The following SVIL variants were observed in gnomAD, a reference collection of about 807,000 sequenced individuals.
The protein encoded by SVIL is archvillin.
SVIL carries 101 observed loss-of-function variants against 240.4 expected under a neutral mutation model. That is an observed-to-expected ratio of 0.42 (90% CI 0.36 to 0.50). The LOEUF (loss-of-function observed/expected upper bound fraction) is 0.50. Among genes scored for constraint, SVIL ranks in the 20% least tolerant of loss-of-function variants. The probability of loss-of-function intolerance (pLI) is 0.01; values close to 1 mark genes in which losing one functional copy is unlikely to be tolerated. For missense variants in SVIL, 2,512 were observed against 2,818.7 expected (o/e 0.89, Z 2.46); for synonymous variants, 999 against 1,100.0 (o/e 0.91, Z 1.82).
At chr10:29,704,064 A>G (rs1175354215) in intron 1 of SVIL, among the ~76,000 whole-genome samples, 6 of 152,064 alleles carry the variant, frequency 3.9e-5, no homozygotes, top group African/African-American at 7.2e-5. Context: ...CGGCCTCTCA[A>G]AGTGCTAGGA....
chr10:29,487,340 C>G (rs3818541), intron 23 of SVIL, 41 bp from the exon 24 acceptor site: 12 of 1,611,770 alleles, frequency 7.4e-6, no homozygotes, highest in Admixed American at 6.7e-5. Context: ...CCAGACAGAA[C>G]GGGGATAGGA....
At chr10:29,567,517 A>T (rs1955069498) in intron 2 of SVIL, among the ~76,000 whole-genome samples, 1 of 152,214 alleles carries the variant, frequency 6.6e-6, no homozygotes, top group Non-Finnish European at 1.5e-5. Context: ...CATGGCACAC[A>T]GGCTGTCATT....
chr10:29,707,160 A>G (rs1017271396), intron 1 of SVIL, among the ~76,000 whole-genome samples: 22 of 152,038 alleles, frequency 1.4e-4, no homozygotes, highest in Admixed American at 1.4e-3. Flanking sequence ...AGTAGTTTCT[A>G]TCTAATTCTG....
chr10:29,576,645 A>C (rs2132748568), intron 1 of SVIL, among the ~76,000 whole-genome samples: 1 of 152,296 alleles, frequency 6.6e-6, no homozygotes, highest in South Asian at 2.1e-4. Flanking sequence ...CCTGGGCTCA[A>C]GAAATTCTCC....
At chr10:29,655,363 G>A (rs1019262960) in intron 3 of SVIL, among the ~76,000 whole-genome samples, 14 of 152,140 alleles carry the variant, frequency 9.2e-5, no homozygotes, top group African/African-American at 2.9e-4. Context: ...TCTAAAGGCC[G>A]AAGAACCTGG....
chr10:29,717,420 A>T (rs1963698535), intron 1 of SVIL, among the ~76,000 whole-genome samples: 1 of 152,144 alleles, frequency 6.6e-6, no homozygotes, highest in South Asian at 2.1e-4. Flanking sequence ...TAAGAGAAGT[A>T]AAAAATAATG....
rs531439776 is a variant in SVIL at position 29,576,041 on chromosome 10, A to G, written c.-200-6729T>C. 5.5e-5 allele frequency: 51 copies of G among 927,288 alleles called. No homozygotes were observed. In the African/African-American group the frequency reaches 8.7e-4, roughly 16 times the overall value. 57.4% of individuals were successfully genotyped at this position (927,288 alleles called of 1,614,324 possible). ...GGGTATAAATGTGAGTTACAATAAT[A>G]TGTGTTTTCCCATGAAACTTGAAAT... On this transcript the variant is annotated intron_variant, in intron 1 of 37. Coordinates refer to ENST00000355867, the MANE Select transcript of SVIL (RefSeq NM_021738.3).
chr10:29,720,000 C>A (rs893108473), intron 1 of SVIL, among the ~76,000 whole-genome samples: 1 of 152,104 alleles, frequency 6.6e-6, no homozygotes, highest in African/African-American at 2.4e-5. Context: ...TATAAACTAA[C>A]GTATATCAAA....
intron 1 of SVIL, among the ~76,000 whole-genome samples, chr10:29,616,460 A>G (rs1957429605): frequency 6.6e-6 from 1 of 152,262 alleles, no homozygotes; most frequent in Non-Finnish European, 1.5e-5. Context: ...CATACAAGAC[A>G]GATTCCAATA....
intron 29 of SVIL, among the ~76,000 whole-genome samples, chr10:29,476,576 A>AT (rs911793961): frequency 2.0e-5 from 3 of 151,438 alleles, no homozygotes; most frequent in African/African-American, 7.3e-5. Context: ...CTCATTTTTT[A>AT]TTTTTTTGTA....
At chr10:29,609,086 T>C (rs532937662) in intron 1 of SVIL, among the ~76,000 whole-genome samples, 1 of 152,306 alleles carries the variant, frequency 6.6e-6, no homozygotes, top group African/African-American at 2.4e-5. Flanking sequence ...GCTACCCACT[T>C]TGGGTCTCCT....
At chr10:29,712,730 T>C (rs1589562183) in intron 1 of SVIL, among the ~76,000 whole-genome samples, 1 of 152,002 alleles carries the variant, frequency 6.6e-6, no homozygotes, top group Non-Finnish European at 1.5e-5. Context: ...ACTGTAAAAA[T>C]AAAGACATAG....
Position 29,470,430 on chromosome 10 carries a change from G to C in SVIL, c.5689C>G (p.Leu1897Val). 6.2e-7 allele frequency: 1 copy of C among 1,614,216 alleles called. No individual in the cohort carries two copies. Among genetic ancestry groups the C allele is most frequent in the Non-Finnish European group, 8.5e-7 (1 of 1,180,048 alleles). ...RGEVPVEGNLLEVACHCSSLR... is the reference protein window; with the variant it reads ...RGEVPVEGNLVEVACHCSSLR... ...CTGCTACAGTGACAGGCCACTTCCA[G>C]CAAATTCCCTTCCACGGGCACCTCT... Residue 1897 changes from leucine to valine, a missense_variant, in exon 32 of 38, where the codon CTG becomes GTG. Around this residue, in one of 3 missense-constraint regions of SVIL, gnomAD observed 797 missense variants for 925.3 expected, o/e 0.86. Coordinates refer to ENST00000355867, the MANE Select transcript of SVIL (RefSeq NM_021738.3).
At chr10:29,468,098 C>A (rs575347214) in intron 32 of SVIL, among the ~76,000 whole-genome samples, 1 of 152,296 alleles carries the variant, frequency 6.6e-6, no homozygotes, top group African/African-American at 2.4e-5. Flanking sequence ...GAAGAAGAAG[C>A]CCTGTACCCG....
At chr10:29,467,636 T>G in intron 33 of SVIL, 106 bp downstream of exon 33, 2 of 1,441,716 alleles carry the variant, frequency 1.4e-6, no homozygotes, top group Non-Finnish European at 1.9e-6. Context: ...GAAGCTGCAG[T>G]GAGCTGTGAT....
At chr10:29,716,704 A>G (rs1318348333) in intron 1 of SVIL, among the ~76,000 whole-genome samples, 2 of 152,220 alleles carry the variant, frequency 1.3e-5, no homozygotes, top group Non-Finnish European at 2.9e-5. Flanking sequence ...ATGATTTTTT[A>G]CATCTCAGCT....
chr10:29,714,302 T>C (rs750020200), intron 1 of SVIL, among the ~76,000 whole-genome samples: 10 of 152,232 alleles, frequency 6.6e-5, no homozygotes, highest in African/African-American at 2.4e-4. Flanking sequence ...CATAACGACA[T>C]AGATGAACCA....
At chr10:29,602,351 A>G (rs747947005) in intron 1 of SVIL, 2 of 518,688 alleles carry the variant, frequency 3.9e-6, no homozygotes, top group Non-Finnish European at 4.0e-6. Flanking sequence ...ACCTTCCAAC[A>G]TGCCGTACCT....
chr10:29,589,274 C>T lies in SVIL; in HGVS notation c.-200-19962G>A, dbSNP rs141272785. On this transcript the variant is annotated intron_variant, in intron 1 of 37. Coordinates refer to ENST00000355867, the MANE Select transcript of SVIL (RefSeq NM_021738.3). ...CACATCATCGCCCGCACGGCCTCGACACTGAAGCACTCAGCTCACACTCAC... is the reference window on the plus strand; with the variant it reads ...CACATCATCGCCCGCACGGCCTCGATACTGAAGCACTCAGCTCACACTCAC... Among the ~76,000 whole-genome samples, 536 of 152,286 alleles carry T rather than the reference C, an allele frequency of 3.5e-3. 3 individuals are homozygous for T. Among genetic ancestry groups the T allele is most frequent in the African/African-American group, 0.011 (475 of 41,572 alleles).
Sources: allele counts gnomAD v4.1 joint callset (sites outside exome capture counted in the v4.1 genomes callset), GRCh38; gene constraint gnomAD v4.1.1; regional missense constraint gnomAD v4.1.1; transcripts MANE v1.5; gene names NCBI Gene and HGNC (gene_info 2026-07-23, HGNC 2026-07-21).